The following PACS2 variants were observed in gnomAD, a reference collection of about 807,000 sequenced individuals.
PACS2 encodes PACS1-like protein.
Under a neutral mutation model 113.0 loss-of-function variants are expected in PACS2, and 36 were observed. That is an observed-to-expected ratio of 0.32 (90% confidence interval 0.24 to 0.42). The LOEUF is 0.42. Ranked by LOEUF, PACS2 falls within the 10% of genes least tolerant of loss-of-function variation. The pLI, the probability that PACS2 is intolerant of heterozygous loss-of-function variation, is 1.00. For missense variants in PACS2, 1,015 were observed against 1,239.5 expected (o/e 0.82, Z 2.72); for synonymous variants, 589 against 536.1 (o/e 1.10, Z -1.36).
At chr14:105,393,090 A>G in intron 23 of PACS2, 132 bp from the exon 24 acceptor site, 4 of 756,290 alleles carry the variant, frequency 5.3e-6, no homozygotes, top group Non-Finnish European at 4.5e-6. Flanking sequence ...GTCACCGTGG[A>G]AGGCAGGTTT....
At chr14:105,307,135 G>A (rs896667779) in intron 1 of PACS2, among the ~76,000 whole-genome samples, 3 of 150,012 alleles carry the variant, frequency 2.0e-5, no homozygotes, top group Non-Finnish European at 4.4e-5. Flanking sequence ...GTCTCAAACT[G>A]CTGGGCTCAA....
At chr14:105,344,537 CAAAGTAGTCAA>C (rs1462046529) in intron 1 of PACS2, among the ~76,000 whole-genome samples, 6 of 152,106 alleles carry the variant, frequency 3.9e-5, no homozygotes, top group African/African-American at 1.4e-4. Context: ...TACATTTTAT[CAAAGTAGTCAA>C]ATTTTTGTTC....
At chr14:105,362,800 A>T (rs1269374058) in intron 4 of PACS2, among the ~76,000 whole-genome samples, 1 of 151,342 alleles carries the variant, frequency 6.6e-6, no homozygotes. Flanking sequence ...GTAGTGAGCC[A>T]AGATCGCGTC....
intron 1 of PACS2, among the ~76,000 whole-genome samples, chr14:105,301,932 T>C (rs1595507157): frequency 6.6e-6 from 1 of 151,884 alleles, no homozygotes; most frequent in Non-Finnish European, 1.5e-5. Flanking sequence ...AGGTGAGGAG[T>C]TCGAGACCAG....
chr14:105,325,201 G>A (rs1276800829), intron 1 of PACS2, among the ~76,000 whole-genome samples: 3 of 151,620 alleles, frequency 2.0e-5, no homozygotes, highest in Admixed American at 1.3e-4. Context: ...GGTTGTGGAG[G>A]GGTCAGTGCT....
At chr14:105,331,921 T>C (rs1294774940) in intron 1 of PACS2, among the ~76,000 whole-genome samples, 4 of 152,228 alleles carry the variant, frequency 2.6e-5, no homozygotes, top group African/African-American at 9.6e-5. Flanking sequence ...GTTGACAGTT[T>C]TGTCTCCTCG....
At chr14:105,388,166 G>A (rs1288370581) in intron 19 of PACS2, among the ~76,000 whole-genome samples, 1 of 152,176 alleles carries the variant, frequency 6.6e-6, no homozygotes, top group East Asian at 1.9e-4. Context: ...GGAGGAATCT[G>A]TAGGTGGTTT....
chr14:105,301,004 T>G (rs1485035836), intron 1 of PACS2: 1 of 152,430 alleles, frequency 6.6e-6, no homozygotes, highest in Admixed American at 6.6e-5. Context: ...GGACTGGCGC[T>G]TGGGGGCGGG....
upstream of PACS2, among the ~76,000 whole-genome samples, chr14:105,312,239 C>T (rs988637974): frequency 6.6e-6 from 1 of 152,206 alleles, no homozygotes; most frequent in Non-Finnish European, 1.5e-5. Flanking sequence ...AGGCCTCGGC[C>T]CATCCTGTCC....
chr14:105,316,356 G>T (rs1237524469), intron 1 of PACS2, among the ~76,000 whole-genome samples: 2 of 152,240 alleles, frequency 1.3e-5, no homozygotes, highest in Non-Finnish European at 2.9e-5. Flanking sequence ...ATCTCCCCAG[G>T]CCTGGCTGCT....
intron 1 of PACS2, among the ~76,000 whole-genome samples, chr14:105,332,193 G>C (rs2059327928): frequency 6.6e-6 from 1 of 152,240 alleles, no homozygotes; most frequent in South Asian, 2.1e-4. Flanking sequence ...AAGCTGCTCA[G>C]TCACTGTCCT....
intron 22 of PACS2, chr14:105,392,288 T>G (rs782341313): frequency 4.9e-6 from 2 of 406,142 alleles, no homozygotes; most frequent in Non-Finnish European, 9.0e-6. Context: ...CCTCTGTGTT[T>G]CCAGCCGCCG....
chr14:105,326,477 T>C (rs2059112962), intron 1 of PACS2, among the ~76,000 whole-genome samples: 2 of 152,230 alleles, frequency 1.3e-5, no homozygotes, highest in South Asian at 4.1e-4. Context: ...GGTGCTGAAT[T>C]GGGCTGTTCG....
chr14:105,304,718 C>T (rs185722920), intron 1 of PACS2, among the ~76,000 whole-genome samples: 129 of 152,288 alleles, frequency 8.5e-4, no homozygotes, highest in African/African-American at 2.4e-3. Flanking sequence ...TGTAGTTCCA[C>T]GTGGCTGCAG....
intron 21 of PACS2, 86 bp from the exon 22 acceptor site, chr14:105,391,545 C>A: frequency 8.8e-7 from 1 of 1,137,012 alleles, no homozygotes; most frequent in Non-Finnish European, 1.2e-6. Flanking sequence ...GCTGCCTGGC[C>A]TGGCCACATC....
At chr14:105,373,645 G>A (rs1332387059) in intron 8 of PACS2, among the ~76,000 whole-genome samples, 4 of 152,168 alleles carry the variant, frequency 2.6e-5, no homozygotes, top group Admixed American at 6.5e-5. Flanking sequence ...AAAATTGGCC[G>A]GGCATGGTGG....
rs2060374369 is a variant in PACS2, at chr14:105,354,913, C to T, written c.298-139C>T. On this transcript the variant is annotated intron_variant, in intron 3 of 24. Coordinates refer to ENST00000447393, the MANE Select transcript of PACS2 (RefSeq NM_001100913.3). The surrounding 1 kb of genome is among the most constrained non-coding windows in gnomAD (Gnocchi z 4.2). ...TGCCACTGGGATGAACTTGGGGGCC[C>T]GTCTGTGGGTGCCCTTCCGATCTCA... 4.1e-6 allele frequency: 3 copies of T among 736,352 alleles called. No homozygotes were observed. Among genetic ancestry groups the T allele is most frequent in the Middle Eastern group, 7.3e-4 (2 of 2,726 alleles). The allele number at this position is 736,352 out of a possible 1,614,324, so 45.6% of individuals were successfully genotyped here.
In PACS2 at chr14:105,366,533, C is replaced by T. The variant is rs991503437; in HGVS notation, c.424-680C>T. On this transcript the variant is annotated intron_variant, in intron 4 of 24. Transcript: ENST00000447393. The surrounding 1 kb of genome is among the most constrained non-coding windows in gnomAD (Gnocchi z 4.3). ...GGCGGGGCTGTGCCTGGGTACAGGT[C>T]GTGGCTGCAGGAGGGGCCGGGGCTT... Among the ~76,000 whole-genome samples the T allele has an allele frequency of 3.3e-5, 5 of 152,234 alleles. No individual in the cohort carries two copies. The highest frequency in any genetic ancestry group is 2.0e-4 in the Admixed American group (3 of 15,284).
rs1039544814 is a variant in PACS2, at chr14:105,365,182, T to C, written c.424-2031T>C. Among the ~76,000 whole-genome samples, 3 of 152,012 alleles carry C rather than the reference T, an allele frequency of 2.0e-5. No individual in the cohort carries two copies. The highest frequency in any genetic ancestry group is 7.2e-5 in the African/African-American group (3 of 41,384). On this transcript the variant is annotated intron_variant, in intron 4 of 24. Transcript: ENST00000447393. The surrounding 1 kb of genome is among the most constrained non-coding windows in gnomAD (Gnocchi z 5.1). ...CTAACCCGGGAGGGTGGTCTCAGGG[T>C]CAGCAGGGGCAGGAGTGGGAATGGC... is the stretch of plus-strand genomic sequence containing the variant.
Sources: gnomAD v4.1 joint callset for allele counts (sites outside exome capture counted in the v4.1 genomes callset) on GRCh38, gnomAD v4.1.1 for gene constraint, Gnocchi (gnomAD v3.1) non-coding constraint, MANE v1.5 for transcripts, NCBI Gene and HGNC (gene_info 2026-07-23, HGNC 2026-07-21) for gene names.